AQR: variants seen among roughly 807,000 people sequenced by gnomAD.
AQR encodes aquarius intron-binding spliceosomal factor, also known as RNA helicase aquarius.
Under a neutral mutation model 180.5 loss-of-function variants are expected in AQR, and 61 were observed. That is an observed-to-expected ratio of 0.34 (90% confidence interval 0.28 to 0.42). The LOEUF is 0.42. AQR is among the 10% of genes least tolerant of loss of function. The probability of loss-of-function intolerance (pLI) is 1.00; values close to 1 mark genes in which losing one functional copy is unlikely to be tolerated. For synonymous variants in AQR, 551 were observed against 588.8 expected, an observed-to-expected ratio of 0.94 and a Z score of 0.93; for missense variants, 1,281 against 1,798.3, an observed-to-expected ratio of 0.71 and a Z score of 5.20.
At chr15:34,887,857 T>C (rs951149688) in intron 24 of AQR, among the ~76,000 whole-genome samples, 8 of 152,222 alleles carry the variant, frequency 5.3e-5, no homozygotes, top group African/African-American at 1.9e-4. Context: ...CTTGGAAGGA[T>C]ATAAACATAT....
intron 20 of AQR, among the ~76,000 whole-genome samples, chr15:34,899,712 T>C (rs1487451578): frequency 6.6e-6 from 1 of 151,762 alleles, no homozygotes; most frequent in East Asian, 1.9e-4. Context: ...AAGCTGTGTG[T>C]TTTCTAATTT....
chr15:34,966,074 G>C (rs768317790), intron 1 of AQR, among the ~76,000 whole-genome samples: 2 of 152,008 alleles, frequency 1.3e-5, no homozygotes, highest in Non-Finnish European at 2.9e-5. Flanking sequence ...AAACTCTCTA[G>C]TCTCATGTAA....
intron 16 of AQR, among the ~76,000 whole-genome samples, chr15:34,912,202 G>A (rs185154410): frequency 3.7e-4 from 56 of 152,242 alleles, no homozygotes; most frequent in Admixed American, 3.3e-3. Context: ...AAATCAGGAA[G>A]TATGATGTCT....
chr15:34,918,508 T>C (rs1270681025), intron 14 of AQR, 130 bp from the exon 15 acceptor site: 2 of 1,017,564 alleles, frequency 2.0e-6, no homozygotes, highest in African/African-American at 1.6e-5. Flanking sequence ...TTTCTTTTCC[T>C]ATTTTCTCCA....
chr15:34,920,089 A>G (rs1333382878), intron 14 of AQR, among the ~76,000 whole-genome samples: 1 of 152,226 alleles, frequency 6.6e-6, no homozygotes, highest in East Asian at 1.9e-4. Context: ...TGATTTGCAT[A>G]TAAATAGTTG....
intron 3 of AQR, 42 bp downstream of exon 3, chr15:34,960,732 T>C: frequency 1.2e-6 from 1 of 814,436 alleles, no homozygotes; most frequent in Non-Finnish European, 1.9e-6. Flanking sequence ...TCCAACTTGG[T>C]CCACCCCAAT....
intron 25 of AQR, 27 bp from the exon 26 acceptor site, chr15:34,884,761 C>G (rs774924678): frequency 6.6e-7 from 1 of 1,509,854 alleles, no homozygotes; most frequent in Non-Finnish European, 9.1e-7. Flanking sequence ...TTGAAGTTAA[C>G]TGCCAGCTAA....
chr15:34,867,672 T>A, intron 31 of AQR, 63 bp from the exon 32 acceptor site: 1 of 1,127,064 alleles, frequency 8.9e-7, no homozygotes, highest in Non-Finnish European at 1.3e-6. Flanking sequence ...AGAGATCATT[T>A]AAATAATGTG....
At chr15:34,866,008 AT>A (rs1892733867) in intron 32 of AQR, among the ~76,000 whole-genome samples, 1 of 152,172 alleles carries the variant, frequency 6.6e-6, no homozygotes, top group African/African-American at 2.4e-5. Context: ...ATACAAAAAA[AT>A]CATTGAATTG....
At chr15:34,907,226 A>C (rs1893431978) in intron 17 of AQR, among the ~76,000 whole-genome samples, 1 of 152,254 alleles carries the variant, frequency 6.6e-6, no homozygotes, top group Admixed American at 6.5e-5. Context: ...GATCTTGAGA[A>C]AGATGGCTGA....
At chr15:34,866,983 T>C (rs932849744) in intron 32 of AQR, among the ~76,000 whole-genome samples, 20 of 152,136 alleles carry the variant, frequency 1.3e-4, no homozygotes, top group African/African-American at 4.8e-4. Flanking sequence ...AAGGTTTATA[T>C]AAAACTAAAT....
At position 34,944,247 on chromosome 15, in the gene AQR, A is replaced by G. The variant is rs775944962; in HGVS notation, c.471+41T>C. ...CATCTAAACTCAACCTAAAAGAACA[A>G]GAAAACTTGAAAATTACCCCAAAAT... On this transcript the variant is annotated intron_variant, in intron 6 of 34. Transcript: ENST00000156471. 19 of 1,539,414 alleles carry G rather than the reference A, an allele frequency of 1.2e-5. No individual in the cohort carries two copies. In the Admixed American group the frequency reaches 3.9e-4, roughly 31 times the overall value.
intron 6 of AQR, chr15:34,943,311 T>C (rs1233933942): frequency 1.2e-5 from 19 of 1,527,840 alleles, no homozygotes; most frequent in Non-Finnish European, 1.6e-5. Flanking sequence ...CAACTGCAGA[T>C]CTAAGAGAAT....
At chr15:34,891,203 A>C (rs1724635087) in intron 23 of AQR, among the ~76,000 whole-genome samples, 1 of 152,144 alleles carries the variant, frequency 6.6e-6, no homozygotes, top group Non-Finnish European at 1.5e-5. Flanking sequence ...CCCACTATCC[A>C]AACTCTTGAT....
At chr15:34,866,917 T>C (rs1246921529) in intron 32 of AQR, among the ~76,000 whole-genome samples, 1 of 152,110 alleles carries the variant, frequency 6.6e-6, no homozygotes, top group Non-Finnish European at 1.5e-5. Context: ...TTATTTCTAA[T>C]CAATAAAGTA....
At position 34,952,925 on chromosome 15, in the gene AQR, A is replaced by T; in HGVS notation, c.174-5T>A. 1 of 1,408,746 alleles carries T rather than the reference A, an allele frequency of 7.1e-7. No individual in the cohort carries two copies. The highest frequency in any genetic ancestry group is 9.8e-7 in the Non-Finnish European group (1 of 1,017,164). 87.3% of individuals were successfully genotyped at this position (1,408,746 alleles called of 1,614,324 possible). A position where few individuals can be genotyped will look rare whatever the true frequency, so the allele number is the denominator to read the frequency against. Reference sequence around the variant, plus strand: ...ATTATCTTTCTAATAGCAAACCTGAAAACATAAAAATAAATAAAATGTTTA... The same window carrying T: ...ATTATCTTTCTAATAGCAAACCTGATAACATAAAAATAAATAAAATGTTTA... On this transcript the variant is annotated splice_polypyrimidine_tract_variant and splice_region_variant and intron_variant, in intron 3 of 34. Coordinates refer to ENST00000156471, the MANE Select transcript of AQR (RefSeq NM_014691.3).
intron 16 of AQR, among the ~76,000 whole-genome samples, chr15:34,911,795 T>C (rs1566987878): frequency 6.6e-6 from 1 of 152,176 alleles, no homozygotes; most frequent in Non-Finnish European, 1.5e-5. Flanking sequence ...TTCAGTTTGA[T>C]GTGGTCCCCA....
At chr15:34,858,754 T>C (rs749675800) in intron 34 of AQR, among the ~76,000 whole-genome samples, 2 of 152,132 alleles carry the variant, frequency 1.3e-5, no homozygotes, top group East Asian at 3.8e-4. Context: ...TACAGAATAA[T>C]GGAACAGAAT....
At chr15:34,941,335 A>G (rs1385629391) in intron 7 of AQR, among the ~76,000 whole-genome samples, 1 of 152,204 alleles carries the variant, frequency 6.6e-6, no homozygotes, top group Non-Finnish European at 1.5e-5. Flanking sequence ...TGAGTCTGAA[A>G]CAATGCACAA....
Sources: allele counts gnomAD v4.1 joint callset (sites outside exome capture counted in the v4.1 genomes callset), GRCh38; gene constraint gnomAD v4.1.1; transcripts MANE v1.5; gene names NCBI Gene and HGNC (gene_info 2026-07-23, HGNC 2026-07-21).